Variants in CFAP20DC observed in about 807,000 individuals in gnomAD.
The protein encoded by CFAP20DC is CFAP20 domain containing.
A neutral mutation model predicts 101.7 loss-of-function variants in CFAP20DC; 84 were observed. That is an observed-to-expected ratio of 0.83 (90% CI 0.69 to 0.99). CFAP20DC has a LOEUF of 0.99. CFAP20DC is among the 50% of genes least tolerant of loss of function. The pLI is 0.00. For missense variants in CFAP20DC, 1,007 were observed against 970.3 expected, an observed-to-expected ratio of 1.04 and a Z score of -0.50; for synonymous variants, 359 against 351.2, an observed-to-expected ratio of 1.02 and a Z score of -0.25.
At chr3:58,950,249 C>T (rs1262390870) in intron 4 of CFAP20DC, among the ~76,000 whole-genome samples, 1 of 152,016 alleles carries the variant, frequency 6.6e-6, no homozygotes, top group Non-Finnish European at 1.5e-5. Context: ...CACTGCTCAA[C>T]AAAATAAAAG....
Position 59,047,188 on chromosome 3 carries a change from C to T in CFAP20DC, c.88G>A (p.Gly30Ser). Residue 30 changes from glycine (G) to serine (S), a missense_variant, in exon 2 of 17, where the codon GGT becomes AGT. Gly to Ser is a moderately conservative substitution (Grantham distance 56). Transcript: ENST00000482387. ...KNPGAKWKIL[G>S]SPSVIWKEFD... ...ACTTTCCAAATCACAGATGGACTAC[C>T]AAGGATCTTCCATTTTGCTCCAGGA... The T allele has an allele frequency of 6.5e-7, 1 of 1,534,938 alleles. No homozygotes were observed. Among genetic ancestry groups the T allele is most frequent in the Non-Finnish European group, 8.7e-7 (1 of 1,145,956 alleles).
chr3:58,730,298 C>T lies in CFAP20DC; in HGVS notation c.198-12670G>A, dbSNP rs539009791. On this transcript the variant is annotated intron_variant, in intron 3 of 3. Coordinates refer to the CFAP20DC transcript ENST00000486145. ...GAATATGTTAATTAACTTGATTAAT[C>T]ATTCCATCATGTATGCATATATCAA... Among the ~76,000 whole-genome samples the T allele has an allele frequency of 2.6e-4, 40 of 152,288 alleles. No homozygotes were observed. The South Asian group carries it at 8.3e-3, about 32-fold the overall frequency.
chr3:58,850,924 AGTCTCCG>A (rs1488590015), intron 12 of CFAP20DC, among the ~76,000 whole-genome samples: 2 of 152,164 alleles, frequency 1.3e-5, no homozygotes, highest in Non-Finnish European at 2.9e-5. Flanking sequence ...TAATGGTGGC[AGTCTCCG>A]GTGAAATCTT....
rs1276051294 is a variant in CFAP20DC at position 58,866,552 on chromosome 3, A to G, written c.1258+14T>C. 1 of 1,590,846 alleles carries G rather than the reference A, an allele frequency of 6.3e-7. No individual in the cohort carries two copies. Among genetic ancestry groups the G allele is most frequent in the Non-Finnish European group, 8.5e-7 (1 of 1,171,932 alleles). Reference sequence around the variant, plus strand: ...ATTCATTATTAACAGATATGGTGTAATAAAGATGCCAACCTGATTGATCAG... The same window carrying G: ...ATTCATTATTAACAGATATGGTGTAGTAAAGATGCCAACCTGATTGATCAG... On this transcript the variant is annotated intron_variant, in intron 11 of 16. Coordinates refer to ENST00000482387, the MANE Select transcript of CFAP20DC (RefSeq NM_001394063.1).
rs539095207 is a variant in CFAP20DC, at chr3:58,724,423, C to T, written c.198-6795G>A. On this transcript the variant is annotated intron_variant, in intron 3 of 3. Transcript: ENST00000486145. The surrounding 1 kb of genome is among the most constrained non-coding windows in gnomAD (Gnocchi z 5.6). ...TCCCATGCTTAGAGCGAGACCCTCT[C>T]TCTTATCTGTAAACACTGTGTTCAA... Among the ~76,000 whole-genome samples the T allele has an allele frequency of 6.6e-6, 1 of 152,242 alleles. No homozygotes were observed. The highest frequency in any genetic ancestry group is 6.5e-5 in the Admixed American group (1 of 15,296).
chr3:58,797,870 G>A (rs556618697), intron 15 of CFAP20DC, among the ~76,000 whole-genome samples: 3 of 152,242 alleles, frequency 2.0e-5, no homozygotes, highest in African/African-American at 4.8e-5. Context: ...CTCTGCCTGT[G>A]TTGTATAAAA....
chr3:59,032,449 C>A (rs527610348), intron 4 of CFAP20DC, among the ~76,000 whole-genome samples: 1 of 152,304 alleles, frequency 6.6e-6, no homozygotes, highest in Non-Finnish European at 1.5e-5. Flanking sequence ...GATCCACTGG[C>A]TTGAAATTCT....
intron 15 of CFAP20DC, among the ~76,000 whole-genome samples, chr3:58,796,544 G>C (rs1457005166): frequency 6.6e-6 from 1 of 152,120 alleles, no homozygotes; most frequent in African/African-American, 2.4e-5. Context: ...TATTTTAAAG[G>C]TAGAGCAGTT....
At chr3:58,925,509 G>T (rs77556354) in intron 5 of CFAP20DC, among the ~76,000 whole-genome samples, 1 of 152,158 alleles carries the variant, frequency 6.6e-6, no homozygotes, top group East Asian at 1.9e-4. Flanking sequence ...GCAGGAACTC[G>T]ATCAATATTT....
rs9870738 is a variant in CFAP20DC at position 58,947,035 on chromosome 3, G to C, written c.279-9273C>G. Among the ~76,000 whole-genome samples, 1,213 of 152,298 alleles carry C rather than the reference G, an allele frequency of 8.0e-3. 12 individuals carry two copies. The highest frequency in any genetic ancestry group is 0.028 in the African/African-American group (1,160 of 41,552). On this transcript the variant is annotated intron_variant, in intron 4 of 16. Coordinates refer to ENST00000482387, the MANE Select transcript of CFAP20DC (RefSeq NM_001394063.1). ...GGTCTCATAGATAGTACGTAGCAGA[G>C]CCAGGAGACCTACTAAAGCCTAAAA... is the stretch of plus-strand genomic sequence containing the variant.
At chr3:58,748,625 C>G (rs898049057) in intron 16 of CFAP20DC, among the ~76,000 whole-genome samples, 1 of 152,120 alleles carries the variant, frequency 6.6e-6, no homozygotes, top group Non-Finnish European at 1.5e-5. Context: ...GTTAGAAAAA[C>G]CAGGAATCAT....
At chr3:58,992,950 C>A (rs1458905923) in intron 4 of CFAP20DC, among the ~76,000 whole-genome samples, 1 of 151,556 alleles carries the variant, frequency 6.6e-6, no homozygotes, top group Non-Finnish European at 1.5e-5. Context: ...ATAAAACACC[C>A]CTGTCCCTCA....
At chr3:59,003,105 TG>T (rs1296981110) in intron 4 of CFAP20DC, among the ~76,000 whole-genome samples, 1 of 152,112 alleles carries the variant, frequency 6.6e-6, no homozygotes, top group African/African-American at 2.4e-5. Context: ...ACAGAAGGGA[TG>T]AAAAAAATGA....
intron 5 of CFAP20DC, among the ~76,000 whole-genome samples, chr3:58,922,047 C>G (rs891705604): frequency 1.3e-5 from 2 of 152,076 alleles, no homozygotes; most frequent in African/African-American, 4.8e-5. Flanking sequence ...CATGGTATAT[C>G]ATCTTACTTT....
chr3:58,845,198 C>T (rs2077514490), intron 13 of CFAP20DC, among the ~76,000 whole-genome samples: 1 of 150,348 alleles, frequency 6.7e-6, no homozygotes, highest in Admixed American at 6.6e-5. Context: ...CACAAAAAAC[C>T]CTTCAAAAAA....
chr3:58,802,811 A>G (rs1212031613), intron 15 of CFAP20DC, among the ~76,000 whole-genome samples: 1 of 152,142 alleles, frequency 6.6e-6, no homozygotes, highest in Non-Finnish European at 1.5e-5. Context: ...TTAAAACCCA[A>G]ATTTGCCTGC....
At chr3:58,814,337 G>C (rs1282538733) in intron 14 of CFAP20DC, among the ~76,000 whole-genome samples, 1 of 151,748 alleles carries the variant, frequency 6.6e-6, no homozygotes, top group African/African-American at 2.4e-5. Context: ...CAATAAATTA[G>C]GTATTGATGG....
downstream of CFAP20DC, among the ~76,000 whole-genome samples, chr3:58,741,501 T>A (rs536342185): frequency 3.8e-3 from 558 of 146,336 alleles, 4 homozygotes; most frequent in Middle Eastern, 0.018. Context: ...GTCAAAATAT[T>A]TTTTTTTTTT....
intron 15 of CFAP20DC, among the ~76,000 whole-genome samples, chr3:58,773,040 T>G (rs2070998059): frequency 6.6e-6 from 1 of 151,708 alleles, no homozygotes; most frequent in South Asian, 2.1e-4. Context: ...TTAAAGCAGT[T>G]TCTCTCTTTA....
Sources: allele counts gnomAD v4.1 joint callset (sites outside exome capture counted in the v4.1 genomes callset), GRCh38; gene constraint gnomAD v4.1.1; non-coding constraint Gnocchi (gnomAD v3.1); transcripts MANE v1.5; gene names NCBI Gene and HGNC (gene_info 2026-07-23, HGNC 2026-07-21).